EFHD2: variants seen among roughly 807,000 people sequenced by gnomAD.
EFHD2 encodes the protein EF-hand domain family member D2.
In EFHD2, 12 loss-of-function variants were observed where a neutral mutation model predicts 20.3. That is an observed-to-expected ratio of 0.59 (90% CI 0.38 to 0.96). The LOEUF (loss-of-function observed/expected upper bound fraction) is 0.96. EFHD2 is among the 40% of genes least tolerant of loss of function. EFHD2 has a pLI of 0.00. For missense variants in EFHD2, 250 were observed against 334.3 expected (o/e 0.75, Z 1.97); for synonymous variants, 131 against 143.9 (o/e 0.91, Z 0.64).
At chr1:15,410,620 C>T (rs1283888788) in intron 1 of EFHD2, among the ~76,000 whole-genome samples, 3 of 151,906 alleles carry the variant, frequency 2.0e-5, no homozygotes, top group African/African-American at 7.2e-5. Context: ...CACCACCACA[C>T]GTGTGGGTCC....
intron 1 of EFHD2, among the ~76,000 whole-genome samples, chr1:15,420,874 C>G (rs1439785692): frequency 6.6e-6 from 1 of 152,100 alleles, no homozygotes; most frequent in Non-Finnish European, 1.5e-5. Context: ...GTCTGAAACT[C>G]CTGGGCTCAA....
At chr1:15,415,018 A>G (rs1204694407) in intron 1 of EFHD2, among the ~76,000 whole-genome samples, 2 of 152,174 alleles carry the variant, frequency 1.3e-5, no homozygotes, top group South Asian at 2.1e-4. Flanking sequence ...AGGATTAGGT[A>G]TAAAAACACC....
rs1447759070 is a variant in EFHD2, at chr1:15,428,669, A to G, written c.668A>G (p.Glu223Gly). The G allele has an allele frequency of 6.2e-7, 1 of 1,607,738 alleles. No individual in the cohort carries two copies. Among genetic ancestry groups the G allele is most frequent in the South Asian group, 1.1e-5 (1 of 90,126 alleles). Residue 223 changes from glutamate (E) to glycine (G), a missense_variant, in exon 4 of 4, where the codon GAG becomes GGG. Physicochemically the swap from Glu to Gly is moderately conservative, Grantham distance 98. Around this residue, in one of 3 missense-constraint regions of EFHD2, gnomAD observed 100 missense variants for 116.2 expected, o/e 0.86. Coordinates refer to ENST00000375980, the MANE Select transcript of EFHD2 (RefSeq NM_024329.6). Reference sequence around the variant, plus strand: ...CAGGAGGAAAGGAAGAAGCAGGCGGAGGAGATGAAGCAGCGGAAAGCGGCC... The same window carrying G: ...CAGGAGGAAAGGAAGAAGCAGGCGGGGGAGATGAAGCAGCGGAAAGCGGCC... ...AEQEERKKQA[E>G]EMKQRKAAFK...
rs146580610 is a variant in EFHD2 at position 15,426,422 on chromosome 1, T to C, written c.456+404T>C. Among the ~76,000 whole-genome samples, 237 of 152,202 alleles carry C rather than the reference T, an allele frequency of 1.6e-3. 1 individual carries two copies. The highest frequency in any genetic ancestry group is 2.9e-3 in the Non-Finnish European group (194 of 67,994). On this transcript the variant is annotated intron_variant, in intron 2 of 3. Coordinates refer to ENST00000375980, the MANE Select transcript of EFHD2 (RefSeq NM_024329.6). The surrounding 1 kb of genome is among the most constrained non-coding windows in gnomAD (Gnocchi z 4.6). ...GAAGAGGGCCACGGCACTGGGTGACTTCACGCCCAGGATCTCACTCCGAGA... is the reference window on the plus strand; with the variant it reads ...GAAGAGGGCCACGGCACTGGGTGACCTCACGCCCAGGATCTCACTCCGAGA...
chr1:15,422,356 G>A (rs184952211), intron 1 of EFHD2, among the ~76,000 whole-genome samples: 9 of 151,934 alleles, frequency 5.9e-5, no homozygotes, highest in South Asian at 4.2e-4. Flanking sequence ...CTCCCAAAGC[G>A]CTGGGATTAT....
intron 3 of EFHD2, 44 bp from the exon 4 acceptor site, chr1:15,428,549 A>G (rs1707910610): frequency 1.3e-6 from 2 of 1,594,552 alleles, no homozygotes; most frequent in Middle Eastern, 1.8e-4. Flanking sequence ...AACCCCCAAC[A>G]TACACCATCC....
intron 1 of EFHD2, among the ~76,000 whole-genome samples, chr1:15,423,616 G>A (rs72881559): frequency 0.01 from 1,592 of 152,278 alleles, 26 homozygotes; most frequent in African/African-American, 0.037. Flanking sequence ...ATAAAATAAG[G>A]TTATTAGGAA....
chr1:15,416,256 G>A (rs1246284158), intron 1 of EFHD2, among the ~76,000 whole-genome samples: 1 of 152,174 alleles, frequency 6.6e-6, no homozygotes, highest in East Asian at 1.9e-4. Flanking sequence ...CTTCCACTGT[G>A]AGAGTCTAGG....
intron 1 of EFHD2, 59 bp downstream of exon 1, chr1:15,410,338 AC>A (rs1707456907): frequency 4.7e-6 from 7 of 1,485,938 alleles, no homozygotes; most frequent in Admixed American, 2.3e-5. Context: ...CGGGCCCCGA[AC>A]CCCCCGATCC....
At chr1:15,421,207 A>G (rs1707784604) in intron 1 of EFHD2, among the ~76,000 whole-genome samples, 1 of 152,160 alleles carries the variant, frequency 6.6e-6, no homozygotes, top group African/African-American at 2.4e-5. Flanking sequence ...GTTTGGACCC[A>G]GGTCAGTCTC....
At chr1:15,427,503 G>T (rs962462104) in intron 3 of EFHD2, among the ~76,000 whole-genome samples, 3 of 152,220 alleles carry the variant, frequency 2.0e-5, no homozygotes, top group African/African-American at 7.2e-5. Flanking sequence ...GGTGAGGGGG[G>T]TGTACTCTTG....
rs542971433 is a variant in EFHD2 at position 15,418,584 on chromosome 1, C to T, written c.309-7287C>T. 5.3e-5 allele frequency among the ~76,000 whole-genome samples: 8 copies of T among 152,128 alleles called. No individual in the cohort carries two copies. The East Asian group carries it at 5.8e-4, about 11-fold the overall frequency. On this transcript the variant is annotated intron_variant, in intron 1 of 3. Coordinates refer to ENST00000375980, the MANE Select transcript of EFHD2 (RefSeq NM_024329.6). The stretch of plus-strand genomic sequence containing the variant: ...CCTCCCAAAGTGCTGGGATTACAGG[C>T]GGGAGCCACGGCACCCGGCCGCAAC...
At chr1:15,419,226 G>A (rs147123368) in intron 1 of EFHD2, among the ~76,000 whole-genome samples, 267 of 152,306 alleles carry the variant, frequency 1.8e-3, no homozygotes, top group Middle Eastern at 3.4e-3. Context: ...TGGCTGCTCC[G>A]CTTTCGAGAG....
In EFHD2 at chr1:15,413,641, G is replaced by A. The variant is rs575641771; in HGVS notation, c.308+3362G>A. Among the ~76,000 whole-genome samples the A allele has an allele frequency of 3.5e-4, 53 of 152,304 alleles. No homozygotes were observed. Among genetic ancestry groups the A allele is most frequent in the African/African-American group, 1.3e-3 (52 of 41,564 alleles). On this transcript the variant is annotated intron_variant, in intron 1 of 3. Coordinates refer to ENST00000375980, the MANE Select transcript of EFHD2 (RefSeq NM_024329.6). This position sits in a 1 kb window ranked among gnomAD's most constrained non-coding sequence, Gnocchi z 4.4. Reference sequence around the variant, plus strand: ...GGTTCCTCCTGAGAGAGACCTGAAGGGTTGACTCCAACCCCTCTCCCCATT... The same window carrying A: ...GGTTCCTCCTGAGAGAGACCTGAAGAGTTGACTCCAACCCCTCTCCCCATT...
rs1557496473 is a variant in EFHD2, at chr1:15,413,231, C to G, written c.308+2952C>G. Among the ~76,000 whole-genome samples the G allele has an allele frequency of 6.6e-6, 1 of 152,144 alleles. No homozygotes were observed. Among genetic ancestry groups the G allele is most frequent in the Non-Finnish European group, 1.5e-5 (1 of 68,012 alleles). ...GCAGAGAGGAGGGGAGCCTGCCCTCCTGGGAAGCCAGTCACTAGAGCAGGA... is the reference window on the plus strand; with the variant it reads ...GCAGAGAGGAGGGGAGCCTGCCCTCGTGGGAAGCCAGTCACTAGAGCAGGA... On this transcript the variant is annotated intron_variant, in intron 1 of 3. Coordinates refer to ENST00000375980, the MANE Select transcript of EFHD2 (RefSeq NM_024329.6). The surrounding 1 kb of genome is among the most constrained non-coding windows in gnomAD (Gnocchi z 4.4).
At position 15,427,864 on chromosome 1, in the gene EFHD2, C is replaced by T. The variant is rs576367048; in HGVS notation, c.591+580C>T. ...CTGCCTCCCACCACCCTCTGGGCTT[C>T]GGAGCATTGGTGGAACTTTTCAGGG... is the stretch of plus-strand genomic sequence containing the variant. On this transcript the variant is annotated intron_variant, in intron 3 of 3. Transcript: ENST00000375980. The T allele has an allele frequency of 4.8e-4, 226 of 468,438 alleles. 3 individuals are homozygous for T. Among genetic ancestry groups the T allele is most frequent in the South Asian group, 3.2e-3 (206 of 64,410 alleles). The allele number at this position is 468,438 out of a possible 1,614,324, so 29.0% of individuals were successfully genotyped here.
In EFHD2 at chr1:15,410,131, G is replaced by A. The variant is rs762618312; in HGVS notation, c.160G>A (p.Glu54Lys). ...CGAGGCGCTGGGCAGCGCGGACTGC[G>A]AGCTGAGCGCCAAGCTGCTGCGGCG... ...AAEALGSADC[E>K]LSAKLLRRAD... Residue 54 changes from glutamate (E) to lysine (K), a missense_variant, in exon 1 of 4, where the codon GAG becomes AAG. Transcript: ENST00000375980. 3.2e-6 allele frequency: 5 copies of A among 1,583,558 alleles called. No homozygotes were observed. The East Asian group carries it at 1.2e-4, about 39-fold the overall frequency.
At chr1:15,418,551 C>A (rs576058034) in intron 1 of EFHD2, among the ~76,000 whole-genome samples, 1 of 152,168 alleles carries the variant, frequency 6.6e-6, no homozygotes, top group East Asian at 1.9e-4. Flanking sequence ...GTGATCCGCC[C>A]GCCTTGGCCT....
At chr1:15,414,356 G>C (rs1034839519) in intron 1 of EFHD2, among the ~76,000 whole-genome samples, 4 of 152,244 alleles carry the variant, frequency 2.6e-5, no homozygotes, top group African/African-American at 9.6e-5. Context: ...GCCCTTCCTG[G>C]ACGCAGTCAG....
Sources: allele counts gnomAD v4.1 joint callset (sites outside exome capture counted in the v4.1 genomes callset), GRCh38; gene constraint gnomAD v4.1.1; regional missense constraint gnomAD v4.1.1; non-coding constraint Gnocchi (gnomAD v3.1); transcripts MANE v1.5; gene names NCBI Gene and HGNC (gene_info 2026-07-23, HGNC 2026-07-21).